The following MYO1C variants were observed in gnomAD, a reference collection of about 807,000 sequenced individuals.
The protein encoded by MYO1C is myosin IC.
A neutral mutation model predicts 150.8 loss-of-function variants in MYO1C; 104 were observed. That is an observed-to-expected ratio of 0.69 (90% CI 0.59 to 0.81). The LOEUF (loss-of-function observed/expected upper bound fraction) is 0.81. Among genes scored for constraint, MYO1C ranks in the 30% least tolerant of loss-of-function variants. MYO1C has a pLI of 0.00. For missense variants in MYO1C, 1,504 were observed against 1,435.0 expected (o/e 1.05, Z -0.78); for synonymous variants, 663 against 579.9 (o/e 1.14, Z -2.06).
chr17:1,479,394 T>C lies in MYO1C; in HGVS notation c.1092+37A>G, dbSNP rs1202399537. 5 of 949,684 alleles carry C rather than the reference T, an allele frequency of 5.3e-6. No individual in the cohort carries two copies. Among genetic ancestry groups the C allele is most frequent in the Non-Finnish European group, 8.2e-6 (5 of 607,330 alleles). The allele number at this position is 949,684 out of a possible 1,614,324, so 58.8% of individuals were successfully genotyped here. On this transcript the variant is annotated intron_variant, in intron 9 of 31. Transcript: ENST00000648651. This position sits in a 1 kb window ranked among gnomAD's most constrained non-coding sequence, Gnocchi z 4.2. ...GGAGTAGGGGCTGCCTTGGAACAGC[T>C]GCCCCTCCACACCCGAGGGCAAGGG...
intron 31 of MYO1C, among the ~76,000 whole-genome samples, chr17:1,466,480 G>A (rs937922240): frequency 9.2e-5 from 14 of 151,878 alleles, no homozygotes; most frequent in African/African-American, 2.7e-4. Context: ...ACAGGCATGC[G>A]CCACCACACT....
Position 1,467,296 on chromosome 17 carries a change from G to A in MYO1C, c.3111C>T (p.Phe1037=), listed in dbSNP as rs1398835547. 9 of 1,613,702 alleles carry A rather than the reference G, an allele frequency of 5.6e-6. No individual in the cohort carries two copies. The South Asian group carries it at 6.6e-5, about 12-fold the overall frequency. ...GGPGRDGTID[F]TPGSELLITK... ...TGATGAGCAGCTCCGAGCCGGGTGTGAAGTCAATGGTGCCATCCCTGCCGG... is the reference window on the plus strand; with the variant it reads ...TGATGAGCAGCTCCGAGCCGGGTGTAAAGTCAATGGTGCCATCCCTGCCGG... Residue 1037 remains phenylalanine (F), a synonymous_variant, in exon 31 of 32, where the codon TTC becomes TTT. Coordinates refer to ENST00000648651, the MANE Select transcript of MYO1C (RefSeq NM_001080779.2).
At chr17:1,485,735 G>A in intron 1 of MYO1C, 1 of 1,142,080 alleles carries the variant, frequency 8.8e-7, no homozygotes, top group Non-Finnish European at 1.1e-6. Flanking sequence ...CCTGGCGCCC[G>A]CTCCGCTGCC....
intron 1 of MYO1C, 30 bp downstream of exon 1, chr17:1,492,383 C>T (rs765707163): frequency 2.5e-6 from 4 of 1,580,110 alleles, no homozygotes; most frequent in Non-Finnish European, 1.7e-6. Flanking sequence ...CGCTCCCACC[C>T]TCCTCCCAGC....
intron 1 of MYO1C, chr17:1,491,035 T>G (rs1334056263): frequency 6.6e-6 from 1 of 152,300 alleles, no homozygotes; most frequent in African/African-American, 2.4e-5. Flanking sequence ...TGTTTCCTTG[T>G]CAGTCCCTCC....
intron 2 of MYO1C, 121 bp downstream of exon 2, chr17:1,484,027 A>AG: frequency 7.8e-7 from 1 of 1,279,142 alleles, no homozygotes; most frequent in Non-Finnish European, 1.1e-6. Context: ...GGGCAACAAG[A>AG]GTGAAACTGT....
chr17:1,487,294 G>A (rs930556713), intron 1 of MYO1C, among the ~76,000 whole-genome samples: 2 of 152,246 alleles, frequency 1.3e-5, no homozygotes, highest in Admixed American at 1.3e-4. Context: ...CGCGTCTGCA[G>A]GCACCTGCCT....
chr17:1,470,859 C>T (rs572804922), intron 21 of MYO1C, 170 bp from the exon 22 acceptor site: 182 of 418,506 alleles, frequency 4.3e-4, no homozygotes, highest in African/African-American at 3.5e-3. Flanking sequence ...AAAAGGGGGG[C>T]GGCGGGTGGG....
chr17:1,483,012 C>T lies in MYO1C; in HGVS notation c.395G>A (p.Arg132Gln), dbSNP rs770570719. 9.3e-6 allele frequency: 15 copies of T among 1,612,134 alleles called. No individual in the cohort carries two copies. The highest frequency in any genetic ancestry group is 4.5e-5 in the East Asian group (2 of 44,832). ...TVYRALRTER[R>Q]DQAVMISGES... ...CCCAGAGATCATCACAGCCTGGTCC[C>T]GACGCTCCGTGCGCAGTGCTCGGTA... Residue 132 changes from arginine to glutamine, a missense_variant, in exon 4 of 32, where the codon CGG becomes CAG. Coordinates refer to ENST00000648651, the MANE Select transcript of MYO1C (RefSeq NM_001080779.2).
chr17:1,484,437 G>T, intron 1 of MYO1C, 134 bp from the exon 2 acceptor site: 1 of 1,104,648 alleles, frequency 9.1e-7, no homozygotes, highest in South Asian at 1.4e-5. Context: ...TGAGCATGAC[G>T]GGTGCGGGGG....
Position 1,484,177 on chromosome 17 carries a change from G to T in MYO1C, c.202C>A (p.Arg68=). The change falls in exon 2 of 32, where the codon CGG becomes AGG. Residue 68 remains arginine, a synonymous_variant. Coordinates refer to ENST00000648651, the MANE Select transcript of MYO1C (RefSeq NM_001080779.2). ...TSEAAFIENL[R]RRFRENLIYT... ...ATGAGATTCTCCCGAAATCGCCGCC[G>T]CAGGTTCTCGATGAAGGCGGCCTCG... 1 of 1,612,910 alleles carries T rather than the reference G, an allele frequency of 6.2e-7. No individual in the cohort carries two copies. Among genetic ancestry groups the T allele is most frequent in the Non-Finnish European group, 8.5e-7 (1 of 1,180,002 alleles).
chr17:1,484,427 T>A, intron 1 of MYO1C, 124 bp from the exon 2 acceptor site: 1 of 1,220,128 alleles, frequency 8.2e-7, no homozygotes, highest in Non-Finnish European at 1.2e-6. Context: ...ACACGGGACA[T>A]GAGCATGACG....
chr17:1,469,405 A>C (rs2074251392), intron 25 of MYO1C, 126 bp downstream of exon 25: 1 of 944,298 alleles, frequency 1.1e-6, no homozygotes, highest in African/African-American at 1.6e-5. Context: ...GATCGGGGTA[A>C]ATACGGTAGA....
chr17:1,481,430 C>T (rs1456739225), intron 5 of MYO1C, among the ~76,000 whole-genome samples: 1 of 152,192 alleles, frequency 6.6e-6, no homozygotes, highest in East Asian at 1.9e-4. Flanking sequence ...TAACCGTTTT[C>T]CCTGCTTAGC....
In MYO1C at chr17:1,470,352, A is replaced by G; in HGVS notation, c.2367-18T>C. Reference sequence around the variant, plus strand: ...GGATGAGCCTGGGGTGGGGGGCCAGACAGGGTTGGGGGTGAGGGGCCTGGC... The same window carrying G: ...GGATGAGCCTGGGGTGGGGGGCCAGGCAGGGTTGGGGGTGAGGGGCCTGGC... On this transcript the variant is annotated intron_variant, in intron 23 of 31. Transcript: ENST00000648651. The G allele has an allele frequency of 6.9e-7, 1 of 1,442,658 alleles. No homozygotes were observed. The highest frequency in any genetic ancestry group is 9.5e-7 in the Non-Finnish European group (1 of 1,053,722). 89.4% of individuals were successfully genotyped at this position (1,442,658 alleles called of 1,614,324 possible). A position where few individuals can be genotyped will look rare whatever the true frequency, so the allele number is the denominator to read the frequency against.
chr17:1,470,566 T>G, intron 22 of MYO1C, 47 bp from the exon 23 acceptor site: 6 of 1,571,470 alleles, frequency 3.8e-6, no homozygotes, highest in South Asian at 1.2e-5. Context: ...CTTACCATGG[T>G]GGCCCCCCCT....
chr17:1,482,548 T>C lies in MYO1C; in HGVS notation c.557A>G (p.Asn186Ser). ...QSNPVLEAFGNAKTLRNDNSS... is the reference protein window; with the variant it reads ...QSNPVLEAFGSAKTLRNDNSS... ...GTTATCGTTCCGGAGGGTCTTGGCA[T>C]TTCCAAAGGCCTAGGAGTGGACAGG... is the stretch of plus-strand genomic sequence containing the variant. The change falls in exon 5 of 32, where the codon AAT (asparagine) becomes AGT (serine). Residue 186 changes from asparagine (N) to serine (S), a missense_variant. Physicochemically the swap from Asn to Ser is conservative, Grantham distance 46. Coordinates refer to ENST00000648651, the MANE Select transcript of MYO1C (RefSeq NM_001080779.2). 2 of 1,613,814 alleles carry C rather than the reference T, an allele frequency of 1.2e-6. No individual in the cohort carries two copies. Among genetic ancestry groups the C allele is most frequent in the Non-Finnish European group, 1.7e-6 (2 of 1,179,870 alleles).
At position 1,465,519 on chromosome 17, in the gene MYO1C, G is replaced by A. The variant is rs1321325110; in HGVS notation, c.*207C>T. ...TCGCTCTGGCCCTGGCTTTCCTATTGCTGTGGCCCGGCCTGGCCCACTCCT... is the reference window on the plus strand; with the variant it reads ...TCGCTCTGGCCCTGGCTTTCCTATTACTGTGGCCCGGCCTGGCCCACTCCT... On this transcript the variant is annotated 3_prime_UTR_variant, in exon 32 of 32. Transcript: ENST00000648651. The A allele has an allele frequency of 6.6e-6, 3 of 451,714 alleles. No homozygotes were observed. The highest frequency in any genetic ancestry group is 2.0e-5 in the African/African-American group (1 of 49,636). 28.0% of individuals were successfully genotyped at this position (451,714 alleles called of 1,614,324 possible). A position where few individuals can be genotyped will look rare whatever the true frequency, so the allele number is the denominator to read the frequency against.
At chr17:1,490,119 G>C (rs921285273) in intron 1 of MYO1C, among the ~76,000 whole-genome samples, 1 of 151,620 alleles carries the variant, frequency 6.6e-6, no homozygotes, top group Non-Finnish European at 1.5e-5. Flanking sequence ...GGGTGGCACT[G>C]TTTGAGCTGG....
Sources: gnomAD v4.1 joint callset for allele counts (sites outside exome capture counted in the v4.1 genomes callset) on GRCh38, gnomAD v4.1.1 for gene constraint, Gnocchi (gnomAD v3.1) non-coding constraint, MANE v1.5 for transcripts, NCBI Gene and HGNC (gene_info 2026-07-23, HGNC 2026-07-21) for gene names.